The following MEGF10 variants were observed in gnomAD, a reference collection of about 807,000 sequenced individuals.
The protein encoded by MEGF10 is multiple epidermal growth factor-like domains protein 10.
MEGF10 carries 86 observed loss-of-function variants against 147.5 expected under a neutral mutation model. That is an observed-to-expected ratio of 0.58 (90% CI 0.49 to 0.70). MEGF10 has a LOEUF of 0.70. Among genes scored for constraint, MEGF10 ranks in the 30% least tolerant of loss-of-function variants. MEGF10 has a pLI of 0.00. For missense variants in MEGF10, 1,329 were observed against 1,487.3 expected, an observed-to-expected ratio of 0.89 and a Z score of 1.75; for synonymous variants, 478 against 525.5, an observed-to-expected ratio of 0.91 and a Z score of 1.24.
At chr5:127,298,608 C>T (rs1759620406) in intron 1 of MEGF10, among the ~76,000 whole-genome samples, 1 of 152,102 alleles carries the variant, frequency 6.6e-6, no homozygotes, top group Admixed American at 6.5e-5. Flanking sequence ...ATGCAGGTGG[C>T]CCATATATGC....
At chr5:127,239,609 A>G in the MEGF10 span, among the ~76,000 whole-genome samples, 7 of 151,640 alleles carry the variant, frequency 4.6e-5, no homozygotes, top group African/African-American at 7.3e-5. Context: ...ACTTTTCTGA[A>G]GGTTTGAAAT....
intron 1 of MEGF10, among the ~76,000 whole-genome samples, chr5:127,330,484 A>G (rs932891159): frequency 2.6e-5 from 4 of 152,022 alleles, no homozygotes; most frequent in African/African-American, 9.7e-5. Context: ...TGCCTGGAAC[A>G]TTCACCCTCT....
At position 127,349,567 on chromosome 5, in the gene MEGF10, G is replaced by GTCC. The variant is rs1199544074; in HGVS notation, c.319+8939_319+8941dup. ...GTTTTTATGATTTTGACTACTTTAAGTCCTTCATATAAGTGGAATCAGACT... is the reference window on the plus strand; with the variant it reads ...GTTTTTATGATTTTGACTACTTTAAGTCCTCCTTCATATAAGTGGAATCAGACT... On this transcript the variant is annotated intron_variant, in intron 4 of 24. Coordinates refer to ENST00000503335, the MANE Select transcript of MEGF10 (RefSeq NM_001256545.2). 2.0e-5 allele frequency among the ~76,000 whole-genome samples: 3 copies of GTCC among 152,064 alleles called. No individual in the cohort carries two copies. The South Asian group carries it at 6.2e-4, about 32-fold the overall frequency.
At chr5:127,245,087 C>T in the MEGF10 span, among the ~76,000 whole-genome samples, 3 of 152,018 alleles carry the variant, frequency 2.0e-5, no homozygotes, top group Admixed American at 1.3e-4. Context: ...ACTTTCTTCA[C>T]AGAATTAGAA....
intron 13 of MEGF10, among the ~76,000 whole-genome samples, chr5:127,432,406 A>G (rs191049009): frequency 2.0e-5 from 3 of 152,332 alleles, no homozygotes; most frequent in Admixed American, 6.5e-5. Flanking sequence ...GGTGGTTGTT[A>G]GTATTCTGGA....
chr5:127,312,877 A>G (rs1317026968), intron 1 of MEGF10, among the ~76,000 whole-genome samples: 1 of 152,364 alleles, frequency 6.6e-6, no homozygotes, highest in Admixed American at 6.5e-5. Context: ...GTAAATTACC[A>G]TATTTTAATA....
At chr5:127,247,677 TAGAG>T in the MEGF10 span, among the ~76,000 whole-genome samples, 89 of 152,032 alleles carry the variant, frequency 5.9e-4, no homozygotes, top group African/African-American at 2.0e-3. Flanking sequence ...ATTAGAGTCT[TAGAG>T]AGACAGAAAT....
intron 16 of MEGF10, 64 bp from the exon 17 acceptor site, chr5:127,438,375 G>A (rs1403053252): frequency 4.5e-6 from 7 of 1,571,558 alleles, no homozygotes; most frequent in Non-Finnish European, 6.1e-6. Flanking sequence ...GAGGTGGATG[G>A]AATTCTCCCT....
chr5:127,305,427 C>A (rs1759968628), intron 1 of MEGF10, among the ~76,000 whole-genome samples: 1 of 152,082 alleles, frequency 6.6e-6, no homozygotes, highest in Non-Finnish European at 1.5e-5. Flanking sequence ...CTTCACCTAG[C>A]CTAGGAGACA....
chr5:127,337,886 T>C (rs1258320897), intron 2 of MEGF10, among the ~76,000 whole-genome samples: 1 of 152,112 alleles, frequency 6.6e-6, no homozygotes, highest in African/African-American at 2.4e-5. Flanking sequence ...CAACAGAGCC[T>C]GTTTCATTGC....
At chr5:127,375,727 C>G (rs1250602264) in intron 5 of MEGF10, among the ~76,000 whole-genome samples, 7 of 152,226 alleles carry the variant, frequency 4.6e-5, no homozygotes, top group Admixed American at 4.6e-4. Context: ...GGATGATAAA[C>G]AACTCCTGGA....
Position 127,331,288 on chromosome 5 carries a change from T to C in MEGF10, c.-18-3T>C, listed in dbSNP as rs775678228. 1.2e-5 allele frequency: 17 copies of C among 1,459,030 alleles called. No homozygotes were observed. The highest frequency in any genetic ancestry group is 1.5e-5 in the Non-Finnish European group (16 of 1,042,110). 90.4% of individuals were successfully genotyped at this position (1,459,030 alleles called of 1,614,324 possible). A position where few individuals can be genotyped will look rare whatever the true frequency, so the allele number is the denominator to read the frequency against. On this transcript the variant is annotated splice_region_variant and splice_polypyrimidine_tract_variant and intron_variant, in intron 1 of 24. Transcript: ENST00000503335. ...TCTAATTGGGATTTTTTCTTTCTTG[T>C]AGGTTGTTCTTCAGAAAAAAATGGT...
chr5:127,423,940 AC>A lies in MEGF10; in HGVS notation c.1693+1169del, dbSNP rs1479347081. Among the ~76,000 whole-genome samples, 6 of 152,292 alleles carry A rather than the reference AC, an allele frequency of 3.9e-5. 1 individual carries two copies. In the South Asian group the frequency reaches 6.2e-4, roughly 16 times the overall value. On this transcript the variant is annotated intron_variant, in intron 13 of 24. Coordinates refer to ENST00000503335, the MANE Select transcript of MEGF10 (RefSeq NM_001256545.2). ...TGCTTTTGGTGTTAAATGTAAAAAA[AC>A]ATTGCCTGATCCAAGGTCACAAGAT... is the stretch of plus-strand genomic sequence containing the variant.
At chr5:127,342,939 C>G (rs937035428) in intron 4 of MEGF10, among the ~76,000 whole-genome samples, 1 of 152,032 alleles carries the variant, frequency 6.6e-6, no homozygotes, top group Non-Finnish European at 1.5e-5. Flanking sequence ...TTGTGTCTCT[C>G]CACTCTGATG....
At chr5:127,447,902 C>T (rs1236900921) in intron 21 of MEGF10, among the ~76,000 whole-genome samples, 3 of 152,208 alleles carry the variant, frequency 2.0e-5, no homozygotes, top group African/African-American at 7.2e-5. Context: ...CCAGACATAG[C>T]TGCCCGATAA....
At chr5:127,266,930 T>C in the MEGF10 span, among the ~76,000 whole-genome samples, 1 of 152,352 alleles carries the variant, frequency 6.6e-6, no homozygotes, top group South Asian at 2.1e-4. Context: ...TCCTGCCTGA[T>C]TTCCCTGGCC....
rs145015792 is a variant in MEGF10 at position 127,408,362 on chromosome 5, A to G, written c.918-2027A>G. 2.9e-3 allele frequency among the ~76,000 whole-genome samples: 443 copies of G among 152,334 alleles called. 3 individuals carry two copies. Among genetic ancestry groups the G allele is most frequent in the African/African-American group, 0.01 (425 of 41,574 alleles). On this transcript the variant is annotated intron_variant, in intron 8 of 24. Coordinates refer to ENST00000503335, the MANE Select transcript of MEGF10 (RefSeq NM_001256545.2). ...TTTTTCCTTTTGGAACTGACTTGCA[A>G]GAAAATCTAACAGACAGGTTGAAAA...
intron 14 of MEGF10, 47 bp from the exon 15 acceptor site, chr5:127,434,639 AC>A: frequency 6.4e-7 from 1 of 1,551,648 alleles, no homozygotes; most frequent in South Asian, 1.2e-5. Context: ...GGAATGCGAG[AC>A]AAACGCATCT....
Position 127,420,059 on chromosome 5 carries a change from A to G in MEGF10, c.1442A>G (p.Asp481Gly). The change falls in exon 12 of 25, where the codon GAC becomes GGC. Residue 481 changes from aspartate to glycine, a missense_variant. Coordinates refer to ENST00000503335, the MANE Select transcript of MEGF10 (RefSeq NM_001256545.2). ...CTCKAGWHGV[D>G]CSIRCPSGTW... ...TGTCGCACAGGCTGGCACGGGGTGG[A>G]CTGCTCCATCAGATGTCCCAGTGGC... The G allele has an allele frequency of 6.2e-7, 1 of 1,614,124 alleles. No individual in the cohort carries two copies. Among genetic ancestry groups the G allele is most frequent in the Non-Finnish European group, 8.5e-7 (1 of 1,180,028 alleles).
Sources: gnomAD v4.1 joint callset for allele counts (sites outside exome capture counted in the v4.1 genomes callset) on GRCh38, gnomAD v4.1.1 for gene constraint, MANE v1.5 for transcripts, NCBI Gene and HGNC (gene_info 2026-07-23, HGNC 2026-07-21) for gene names.